YAF2: variants seen among roughly 807,000 people sequenced by gnomAD.
YAF2 encodes YY1 associated factor 2.
Under a neutral mutation model 20.1 loss-of-function variants are expected in YAF2, and 7 were observed. The ratio of observed to expected loss-of-function variants is 0.35; its 90% CI spans 0.20 to 0.65. The LOEUF is 0.65. Ranked by LOEUF, YAF2 falls within the 30% of genes least tolerant of loss-of-function variation. YAF2 has a pLI of 0.69. For synonymous variants in YAF2, 74 were observed against 76.0 expected (o/e 0.97, Z 0.14); for missense variants, 151 against 219.2 (o/e 0.69, Z 1.96).
chr12:42,228,168 C>G (rs545301140), intron 2 of YAF2, among the ~76,000 whole-genome samples: 4 of 81,158 alleles, frequency 4.9e-5, no homozygotes, highest in African/African-American at 5.1e-5. Context: ...GCCCCCCGCC[C>G]GGCCAGCCGC....
At chr12:42,210,848 C>T (rs2067187680) in intron 2 of YAF2, 2 of 518,322 alleles carry the variant, frequency 3.9e-6, no homozygotes, top group Non-Finnish European at 6.4e-6. Context: ...TTATCAGAAA[C>T]ATAAGGAAAT....
chr12:42,161,869 T>A, intron 2 of YAF2, 104 bp from the exon 3 acceptor site: 1 of 1,067,328 alleles, frequency 9.4e-7, no homozygotes, highest in South Asian at 1.6e-5. Context: ...TAACAATAAC[T>A]TTCAAGTATA....
intron 2 of YAF2, chr12:42,235,014 C>T (rs2068102877): frequency 1.0e-6 from 1 of 985,380 alleles, no homozygotes; most frequent in Non-Finnish European, 1.2e-6. Flanking sequence ...AAAAAGAAGA[C>T]TTCAAAGGTA....
chr12:42,168,499 T>C (rs2065968729), intron 2 of YAF2, among the ~76,000 whole-genome samples: 1 of 152,084 alleles, frequency 6.6e-6, no homozygotes, highest in South Asian at 2.1e-4. Flanking sequence ...AGAAATTTTA[T>C]GTCATAAAAT....
rs1373112766 is a variant in YAF2 at position 42,159,601 on chromosome 12, T to C, written c.*988A>G. ...TTATTGTATTTAATAAGAAGCCAAT[T>C]TGACTGATTTAAAATTAGTTATTTC... On this transcript the variant is annotated 3_prime_UTR_variant, in exon 4 of 4. Transcript: ENST00000534854. 6.6e-6 allele frequency: 1 copy of C among 152,092 alleles called. No homozygotes were observed. Among genetic ancestry groups the C allele is most frequent in the Non-Finnish European group, 1.5e-5 (1 of 67,942 alleles). 9.4% of individuals were successfully genotyped at this position (152,092 alleles called of 1,614,324 possible).
At position 42,202,218 on chromosome 12, in the gene YAF2, C is replaced by T. The variant is rs115048089; in HGVS notation, c.152+35381G>A. On this transcript the variant is annotated intron_variant, in intron 2 of 3. Coordinates refer to ENST00000534854, the MANE Select transcript of YAF2 (RefSeq NM_005748.6). ...AAATATGTATGAATCCATTTCTGAA[C>T]TCTCTATTAGTTTGTCTTTTCCTGT... Among the ~76,000 whole-genome samples, 1,249 of 152,178 alleles carry T rather than the reference C, an allele frequency of 8.2e-3. 13 individuals carry two copies. Among genetic ancestry groups the T allele is most frequent in the African/African-American group, 0.028 (1,155 of 41,506 alleles).
chr12:42,163,605 A>G (rs1448664712), intron 2 of YAF2, among the ~76,000 whole-genome samples: 2 of 152,072 alleles, frequency 1.3e-5, no homozygotes, highest in African/African-American at 4.8e-5. Flanking sequence ...CAACTATTCC[A>G]TTTTTATTCT....
At chr12:42,210,497 G>A in intron 2 of YAF2, 2 of 1,536,000 alleles carry the variant, frequency 1.3e-6, no homozygotes, top group Non-Finnish European at 1.7e-6. Flanking sequence ...AGAAAGTTTG[G>A]GGGAGGGGAT....
chr12:42,199,184 A>G (rs1230724547), intron 2 of YAF2: 6 of 1,289,244 alleles, frequency 4.7e-6, no homozygotes, highest in South Asian at 1.2e-5. Context: ...CAGAGGCTTG[A>G]GCCAGCAGGA....
intron 2 of YAF2, among the ~76,000 whole-genome samples, chr12:42,214,258 T>G (rs1314802225): frequency 6.6e-6 from 1 of 152,150 alleles, no homozygotes; most frequent in Non-Finnish European, 1.5e-5. Context: ...TAACTACAAC[T>G]CTTTCACAAA....
intron 2 of YAF2, chr12:42,199,027 A>T (rs1487786417): frequency 1.9e-6 from 1 of 520,876 alleles, no homozygotes; most frequent in East Asian, 8.1e-5. Context: ...TCATGTGACT[A>T]TTTTAACATT....
chr12:42,232,677 A>C (rs1032959812), intron 2 of YAF2: 1 of 985,440 alleles, frequency 1.0e-6, no homozygotes, highest in Non-Finnish European at 1.2e-6. Context: ...AAAGTCTAGA[A>C]GAATCAGTGC....
At chr12:42,200,402 C>G (rs1362911168) in intron 2 of YAF2, among the ~76,000 whole-genome samples, 1 of 152,166 alleles carries the variant, frequency 6.6e-6, no homozygotes, top group Non-Finnish European at 1.5e-5. Flanking sequence ...ACCTTCTTAT[C>G]CCTAGCACCT....
At chr12:42,179,595 G>A (rs115532276) in intron 2 of YAF2, among the ~76,000 whole-genome samples, 158 of 152,120 alleles carry the variant, frequency 1.0e-3, no homozygotes, top group African/African-American at 3.7e-3. Flanking sequence ...TTTGAGACCA[G>A]CCTAGTAACA....
At chr12:42,225,036 C>G (rs1478583515) in intron 2 of YAF2, among the ~76,000 whole-genome samples, 2 of 152,212 alleles carry the variant, frequency 1.3e-5, no homozygotes, top group Non-Finnish European at 2.9e-5. Flanking sequence ...TCTCCAGCAT[C>G]TGTTGTTTCC....
intron 2 of YAF2, among the ~76,000 whole-genome samples, chr12:42,211,527 G>T (rs12385814): frequency 0.015 from 2,269 of 151,288 alleles, 54 homozygotes; most frequent in African/African-American, 0.052. Context: ...ACCTGAGGTT[G>T]GGAGTTCAAG....
intron 2 of YAF2, among the ~76,000 whole-genome samples, chr12:42,200,797 T>C (rs1227566198): frequency 1.3e-5 from 2 of 152,186 alleles, no homozygotes; most frequent in African/African-American, 4.8e-5. Flanking sequence ...CATCAAAAGG[T>C]AGCATGGTAT....
chr12:42,169,785 T>C lies in YAF2; in HGVS notation c.153-8020A>G, dbSNP rs118132513. ...ATGGGTAATAATGACACTATTGGAG[T>C]GGTGGAGCTACAAGACTAAATTTTA... is the stretch of plus-strand genomic sequence containing the variant. On this transcript the variant is annotated intron_variant, in intron 2 of 3. Coordinates refer to ENST00000534854, the MANE Select transcript of YAF2 (RefSeq NM_005748.6). Among the ~76,000 whole-genome samples the C allele has an allele frequency of 9.6e-4, 146 of 152,016 alleles. 3 individuals carry two copies. The East Asian group carries it at 0.025, about 26-fold the overall frequency.
At chr12:42,213,050 G>T (rs1429772764) in intron 2 of YAF2, among the ~76,000 whole-genome samples, 1 of 31,860 alleles carries the variant, frequency 3.1e-5, no homozygotes, top group Non-Finnish European at 5.7e-5. Context: ...TAATATAAAA[G>T]ATGTCATTAA....
Sources: allele counts gnomAD v4.1 joint callset (sites outside exome capture counted in the v4.1 genomes callset), GRCh38; gene constraint gnomAD v4.1.1; transcripts MANE v1.5; gene names NCBI Gene and HGNC (gene_info 2026-07-23, HGNC 2026-07-21).